Variants in DMTF1 observed in about 807,000 individuals in gnomAD.
DMTF1 encodes cyclin-D-binding Myb-like transcription factor 1.
In DMTF1, 39 loss-of-function variants were observed where a neutral mutation model predicts 91.1. The observed-to-expected ratio is 0.43, with a 90% CI of 0.33 to 0.56. The LOEUF (loss-of-function observed/expected upper bound fraction) is 0.56, where lower values mean the gene tolerates loss of function less well. Ranked by LOEUF, DMTF1 falls within the 20% of genes least tolerant of loss-of-function variation. The pLI is 0.05. For synonymous variants in DMTF1, 338 were observed against 309.5 expected, an observed-to-expected ratio of 1.09 and a Z score of -0.97; for missense variants, 750 against 914.5, an observed-to-expected ratio of 0.82 and a Z score of 2.32.
At chr7:87,152,812 C>G (rs1305847560) in intron 1 of DMTF1, 1 of 154,824 alleles carries the variant, frequency 6.5e-6, no homozygotes, top group Admixed American at 6.5e-5. Context: ...GAGCGGCTGC[C>G]GAGGCACAGC....
In DMTF1 at chr7:87,193,277, T is replaced by TA; in HGVS notation, c.1574_1575insA (p.Thr526AspfsTer3). The TA allele has an allele frequency of 6.2e-7, 1 of 1,613,516 alleles. No homozygotes were observed. The highest frequency in any genetic ancestry group is 8.5e-7 in the Non-Finnish European group (1 of 1,179,600). Reference sequence around the variant, plus strand: ...TCAAGCCAAGGCCTTCCCCTAACTCTGACTGCTAGTCCCACAGTAACCCTG... The same window carrying TA: ...TCAAGCCAAGGCCTTCCCCTAACTCTAGACTGCTAGTCCCACAGTAACCCTG... On this transcript the variant is annotated frameshift_variant, in exon 15 of 18. Transcript: ENST00000331242. LOFTEE classifies it high-confidence loss of function.
At chr7:87,184,683 T>G in intron 11 of DMTF1, 58 bp downstream of exon 11, 1 of 1,465,014 alleles carries the variant, frequency 6.8e-7, no homozygotes, top group African/African-American at 1.4e-5. Flanking sequence ...GATGTCTTGA[T>G]AGACTTTCCT....
At chr7:87,193,655 G>C (rs755547962) in intron 15 of DMTF1, 70 bp from the exon 16 acceptor site, 1 of 1,359,094 alleles carries the variant, frequency 7.4e-7, no homozygotes. Flanking sequence ...AGATGTGGGG[G>C]GAGACAGTGA....
rs375623941 is a variant in DMTF1, at chr7:87,173,580, G to A, written c.373G>A (p.Glu125Lys). Residue 125 changes from glutamate (E) to lysine (K), a missense_variant, in exon 6 of 18, where the codon GAG becomes AAG. Glu to Lys is a moderately conservative substitution (Grantham distance 56, BLOSUM62 1). Around this residue, in one of 3 missense-constraint regions of DMTF1, gnomAD observed 150 missense variants for 150.4 expected, o/e 1.00. Transcript: ENST00000331242. ...AGATGAAATATCTCCCTTGGGTAAC[G>A]AGGAAGTTTCAGCAGTTAGCCAAGC... ...QLDEISPLGN[E>K]EVSAVSQAWF... 5.6e-6 allele frequency: 9 copies of A among 1,610,528 alleles called. No individual in the cohort carries two copies. Among genetic ancestry groups the A allele is most frequent in the Non-Finnish European group, 7.6e-6 (9 of 1,178,458 alleles).
chr7:87,192,757 A>G (rs529239943), intron 14 of DMTF1: 1 of 153,776 alleles, frequency 6.5e-6, no homozygotes, highest in African/African-American at 2.4e-5. Flanking sequence ...GAACATTGCT[A>G]ATTACTATTT....
intron 12 of DMTF1, 174 bp from the exon 13 acceptor site, chr7:87,187,918 A>G (rs903402190): frequency 7.7e-5 from 45 of 587,366 alleles, no homozygotes; most frequent in Admixed American, 3.1e-5. Context: ...ATGTTTATAA[A>G]AATCTCAGGA....
intron 7 of DMTF1, among the ~76,000 whole-genome samples, chr7:87,175,212 G>A (rs1000017535): frequency 2.0e-5 from 3 of 151,594 alleles, no homozygotes; most frequent in Non-Finnish European, 2.9e-5. Flanking sequence ...GTAGAGACGG[G>A]GTTTCACCAT....
chr7:87,187,935 G>T (rs1356427646), intron 12 of DMTF1, 157 bp from the exon 13 acceptor site: 2 of 600,358 alleles, frequency 3.3e-6, no homozygotes, highest in Non-Finnish European at 5.9e-6. Context: ...AGGATATGTT[G>T]TTTTTTAAAA....
At position 87,193,302 on chromosome 7, in the gene DMTF1, G is replaced by A; in HGVS notation, c.1599G>A (p.Leu533=). Residue 533 remains leucine (L), a synonymous_variant, in exon 15 of 18, where the codon CTG becomes CTA. Transcript: ENST00000331242. Reference sequence around the variant, plus strand: ...TGACTGCTAGTCCCACAGTAACCCTGACAGCTGCTGCTCCTGCTTCTCCTG... The same window carrying A: ...TGACTGCTAGTCCCACAGTAACCCTAACAGCTGCTGCTCCTGCTTCTCCTG... ...LTLTASPTVT[L]TAAAPASPEQ... 2 of 1,613,368 alleles carry A rather than the reference G, an allele frequency of 1.2e-6. No homozygotes were observed. The highest frequency in any genetic ancestry group is 1.7e-6 in the Non-Finnish European group (2 of 1,179,574).
chr7:87,192,084 G>A (rs572533947), intron 14 of DMTF1, among the ~76,000 whole-genome samples: 1 of 151,996 alleles, frequency 6.6e-6, no homozygotes, highest in South Asian at 2.1e-4. Flanking sequence ...ACTTTTTTAA[G>A]CCCATTCCCC....
chr7:87,182,430 T>G (rs955458898), intron 10 of DMTF1, 93 bp downstream of exon 10: 1 of 1,193,238 alleles, frequency 8.4e-7, no homozygotes, highest in Non-Finnish European at 1.2e-6. Context: ...GGGGAGCGAT[T>G]TAGATCATTC....
chr7:87,185,492 C>G (rs1395322446), intron 11 of DMTF1, among the ~76,000 whole-genome samples: 1 of 152,176 alleles, frequency 6.6e-6, no homozygotes, highest in African/African-American at 2.4e-5. Flanking sequence ...AAATGCCACA[C>G]TATGAAACAT....
intron 1 of DMTF1, among the ~76,000 whole-genome samples, chr7:87,156,956 GTAA>G (rs1790898782): frequency 6.6e-6 from 1 of 152,122 alleles, no homozygotes; most frequent in Non-Finnish European, 1.5e-5. Context: ...ATGTAAAGTA[GTAA>G]TGATACTGGA....
In DMTF1 at chr7:87,170,976, A is replaced by G. The variant is rs1794941550; in HGVS notation, c.233-19A>G. The G allele has an allele frequency of 2.0e-6, 3 of 1,519,684 alleles. No individual in the cohort carries two copies. Among genetic ancestry groups the G allele is most frequent in the Non-Finnish European group, 2.7e-6 (3 of 1,096,384 alleles). The allele number at this position is 1,519,684 out of a possible 1,614,324, so 94.1% of individuals were successfully genotyped here. On this transcript the variant is annotated intron_variant, in intron 4 of 17. Coordinates refer to ENST00000331242, the MANE Select transcript of DMTF1 (RefSeq NM_001142327.2). ...CTTGCCGTTATTATTCTGGAGATGAACGGTTCCTTTTCTTGAAGTTTCAGA... is the reference window on the plus strand; with the variant it reads ...CTTGCCGTTATTATTCTGGAGATGAGCGGTTCCTTTTCTTGAAGTTTCAGA...
At chr7:87,193,423 T>C in intron 15 of DMTF1, 70 bp downstream of exon 15, 1 of 1,491,906 alleles carries the variant, frequency 6.7e-7, no homozygotes, top group Non-Finnish European at 9.3e-7. Context: ...AGGACCAAAA[T>C]AGAAGGTAGT....
intron 1 of DMTF1, among the ~76,000 whole-genome samples, chr7:87,157,352 G>T (rs1791026401): frequency 6.6e-6 from 1 of 152,102 alleles, no homozygotes; most frequent in East Asian, 1.9e-4. Flanking sequence ...CAAGCCTCTA[G>T]GGTCAGCAAA....
At chr7:87,166,803 T>C (rs767309487) in intron 4 of DMTF1, among the ~76,000 whole-genome samples, 198 bp downstream of exon 4, 1 of 152,214 alleles carries the variant, frequency 6.6e-6, no homozygotes, top group Non-Finnish European at 1.5e-5. Context: ...TTGCCTACTT[T>C]AATCTTCCCA....
At chr7:87,182,518 T>A (rs1283513964) in intron 10 of DMTF1, among the ~76,000 whole-genome samples, 181 bp downstream of exon 10, 1 of 152,256 alleles carries the variant, frequency 6.6e-6, no homozygotes, top group Non-Finnish European at 1.5e-5. Context: ...TTTTACTTTG[T>A]TTTTGTATAA....
chr7:87,155,316 C>T (rs954575554), intron 1 of DMTF1: 14 of 152,152 alleles, frequency 9.2e-5, no homozygotes, highest in African/African-American at 3.4e-4. Context: ...GCATATTTAA[C>T]ACTGAGGTGG....
Sources: allele counts gnomAD v4.1 joint callset (sites outside exome capture counted in the v4.1 genomes callset), GRCh38; gene constraint gnomAD v4.1.1; regional missense constraint gnomAD v4.1.1; transcripts MANE v1.5; gene names NCBI Gene and HGNC (gene_info 2026-07-23, HGNC 2026-07-21).